The following COL4A1 variants were observed in gnomAD, a reference collection of about 807,000 sequenced individuals.
COL4A1 encodes the protein collagen alpha-1(IV) chain.
A neutral mutation model predicts 216.6 loss-of-function variants in COL4A1; 40 were observed. The ratio of observed to expected loss-of-function variants is 0.18; its 90% CI spans 0.14 to 0.24. The LOEUF (loss-of-function observed/expected upper bound fraction) is 0.24. Among genes scored for constraint, COL4A1 ranks in the 10% least tolerant of loss-of-function variants. COL4A1 has a pLI of 1.00. For missense variants in COL4A1, 1,628 were observed against 2,196.8 expected (o/e 0.74, Z 5.18); for synonymous variants, 839 against 810.7 (o/e 1.03, Z -0.59).
chr13:110,250,285 C>G (rs1240584376), intron 1 of COL4A1, among the ~76,000 whole-genome samples: 1 of 151,612 alleles, frequency 6.6e-6, no homozygotes. Flanking sequence ...TGTAGTATGA[C>G]TAAGATTTGT....
chr13:110,173,564 T>TTTTGC (rs1164246890), intron 40 of COL4A1, among the ~76,000 whole-genome samples: 26 of 152,284 alleles, frequency 1.7e-4, no homozygotes, highest in African/African-American at 6.0e-4. Context: ...AAGAGTTTTG[T>TTTTGC]TTTGCTTTGC....
At chr13:110,209,471 G>C in intron 10 of COL4A1, 44 bp from the exon 11 acceptor site, 1 of 1,413,408 alleles carries the variant, frequency 7.1e-7, no homozygotes, top group South Asian at 1.2e-5. Flanking sequence ...CAGAACTCTA[G>C]GGAGCTTTAA....
intron 2 of COL4A1, among the ~76,000 whole-genome samples, chr13:110,242,194 T>A (rs920679408): frequency 6.6e-6 from 1 of 152,210 alleles, no homozygotes; most frequent in African/African-American, 2.4e-5. Flanking sequence ...TACATTTTAA[T>A]TTTACATTTG....
chr13:110,175,056 G>T (rs1308951867), intron 37 of COL4A1, among the ~76,000 whole-genome samples, 162 bp downstream of exon 37: 1 of 152,180 alleles, frequency 6.6e-6, no homozygotes, highest in Admixed American at 6.5e-5. Flanking sequence ...TTGGGGGAGA[G>T]GTAGTGAATA....
rs995224 is a variant in COL4A1 at position 110,198,495 on chromosome 13, A to G, written c.1257T>C (p.Pro419=). 0.27 allele frequency: 428,877 copies of G among 1,613,652 alleles called. 59,380 individuals are homozygous for G. The highest frequency in any genetic ancestry group is 0.33 in the Admixed American group (19,868 of 59,990). The change falls in exon 21 of 52, where the codon CCT becomes CCC. Residue 419 remains proline (P), a synonymous_variant. Transcript: ENST00000375820. ...TGTAGCCAGGCTGCCCAGGGGGCCC[A>G]GGGGAACCAGGAGGACCCGGGAGCC... ...RDGLPGPPGS[P]GPPGQPGYTN...
chr13:110,228,818 C>T (rs983996700), intron 2 of COL4A1, among the ~76,000 whole-genome samples: 1 of 152,168 alleles, frequency 6.6e-6, no homozygotes, highest in Non-Finnish European at 1.5e-5. Flanking sequence ...CAAGTACTAG[C>T]GTCCACTTCA....
intron 1 of COL4A1, among the ~76,000 whole-genome samples, chr13:110,244,519 CTG>C (rs372986236): frequency 1.4e-4 from 22 of 152,302 alleles, no homozygotes; most frequent in African/African-American, 5.3e-4. Flanking sequence ...AATCTGTAAC[CTG>C]TGCTCCAGGA....
At chr13:110,170,176 C>T (rs554306892) in intron 42 of COL4A1, among the ~76,000 whole-genome samples, 88 of 150,010 alleles carry the variant, frequency 5.9e-4, no homozygotes, top group African/African-American at 2.0e-3. Context: ...CCACTGTCTC[C>T]GTGTCCAAAA....
intron 1 of COL4A1, among the ~76,000 whole-genome samples, chr13:110,281,532 A>T (rs540676161): frequency 2.6e-5 from 4 of 152,112 alleles, no homozygotes; most frequent in South Asian, 2.1e-4. Context: ...GAAAATGTTT[A>T]AAAAAAACAG....
chr13:110,282,558 A>G (rs1445955464), intron 1 of COL4A1, among the ~76,000 whole-genome samples: 1 of 152,198 alleles, frequency 6.6e-6, no homozygotes, highest in African/African-American at 2.4e-5. Context: ...AATTCCTACC[A>G]GTCAAGGATG....
At position 110,166,213 on chromosome 13, in the gene COL4A1, G is replaced by A. The variant is rs1877327606; in HGVS notation, c.4021+19C>T. 5 of 1,500,040 alleles carry A rather than the reference G, an allele frequency of 3.3e-6. No homozygotes were observed. The highest frequency in any genetic ancestry group is 1.4e-5 in the African/African-American group (1 of 72,716). The allele number at this position is 1,500,040 out of a possible 1,614,324, so 92.9% of individuals were successfully genotyped here. On this transcript the variant is annotated intron_variant, in intron 45 of 51. Transcript: ENST00000375820. ...ACAAAGCACCAGTAAGGTGTCCACA[G>A]ATCAACAAACTCTCCTACCTTTAGC...
intron 1 of COL4A1, among the ~76,000 whole-genome samples, chr13:110,267,458 T>C (rs1883087928): frequency 6.6e-6 from 1 of 152,148 alleles, no homozygotes; most frequent in South Asian, 2.1e-4. Flanking sequence ...CTGGTGGTTG[T>C]ACAAGCAGAA....
At chr13:110,253,119 G>C (rs1201484200) in intron 1 of COL4A1, among the ~76,000 whole-genome samples, 1 of 125,530 alleles carries the variant, frequency 8.0e-6, no homozygotes, top group African/African-American at 3.1e-5. Flanking sequence ...CTATATGTAC[G>C]TATGTATTAT....
chr13:110,162,256 T>C lies in COL4A1; in HGVS notation c.4436A>G (p.Asn1479Ser). 4 of 1,614,234 alleles carry C rather than the reference T, an allele frequency of 2.5e-6. No individual in the cohort carries two copies. Among genetic ancestry groups the C allele is most frequent in the Non-Finnish European group, 3.4e-6 (4 of 1,180,028 alleles). ...HGYSLLYVQG[N>S]ERAHGQDLGT... ...CAAGTCCTGGCCATGGGCCCGTTCA[T>C]TGCCTTGCACGTAGAGCAAAGAGTA... Residue 1479 changes from asparagine to serine, a missense_variant, in exon 48 of 52, where the codon AAT becomes AGT. This residue lies in a region of COL4A1 where 254 missense variants were observed against 300.1 expected (regional missense o/e 0.85). Coordinates refer to ENST00000375820, the MANE Select transcript of COL4A1 (RefSeq NM_001845.6).
At chr13:110,245,118 G>A (rs570619829) in intron 1 of COL4A1, among the ~76,000 whole-genome samples, 13 of 152,058 alleles carry the variant, frequency 8.5e-5, no homozygotes, top group Non-Finnish European at 1.3e-4. Context: ...CAGGGAACTC[G>A]GCAATGATTA....
rs999364274 is a variant in COL4A1 at position 110,222,525 on chromosome 13, G to A, written c.145-8510C>T. Among the ~76,000 whole-genome samples the A allele has an allele frequency of 2.9e-5, 4 of 136,576 alleles. 1 individual carries two copies. The highest frequency in any genetic ancestry group is 3.3e-5 in the Non-Finnish European group (2 of 60,526). 89.6% of individuals were successfully genotyped at this position (136,576 alleles called of 152,430 possible). ...GCGGTGGCTCACGCCTGTAATCCTA[G>A]CACTTTGGGAGGCCGAGGCGGGTGG... On this transcript the variant is annotated intron_variant, in intron 2 of 51. Coordinates refer to ENST00000375820, the MANE Select transcript of COL4A1 (RefSeq NM_001845.6).
At chr13:110,181,774 G>A (rs1878169792) in intron 28 of COL4A1, among the ~76,000 whole-genome samples, 1 of 152,098 alleles carries the variant, frequency 6.6e-6, no homozygotes, top group African/African-American at 2.4e-5. Context: ...CACTTCATTA[G>A]AAATGCAGAC....
chr13:110,277,928 C>A (rs904035179), intron 1 of COL4A1, among the ~76,000 whole-genome samples: 3 of 152,192 alleles, frequency 2.0e-5, no homozygotes, highest in Non-Finnish European at 4.4e-5. Flanking sequence ...TATTAAGTAA[C>A]CCATGCTAGC....
intron 1 of COL4A1, among the ~76,000 whole-genome samples, chr13:110,285,366 TAC>T (rs1198107163): frequency 6.6e-6 from 1 of 152,232 alleles, no homozygotes; most frequent in African/African-American, 2.4e-5. Context: ...AATCCGTGAA[TAC>T]AGAGTTTTGG....
Sources: allele counts gnomAD v4.1 joint callset (sites outside exome capture counted in the v4.1 genomes callset), GRCh38; gene constraint gnomAD v4.1.1; regional missense constraint gnomAD v4.1.1; transcripts MANE v1.5; gene names NCBI Gene and HGNC (gene_info 2026-07-23, HGNC 2026-07-21).